The following KIRREL3 variants were observed in gnomAD, a reference collection of about 807,000 sequenced individuals.
The protein encoded by KIRREL3 is kin of IRRE-like protein 3.
In KIRREL3, 36 loss-of-function variants were observed where a neutral mutation model predicts 89.7. The observed-to-expected ratio is 0.40, with a 90% confidence interval of 0.31 to 0.53. The LOEUF is 0.53. Among genes scored for constraint, KIRREL3 ranks in the 20% least tolerant of loss-of-function variants. The pLI, the probability that KIRREL3 is intolerant of heterozygous loss-of-function variation, is 0.49. For missense variants in KIRREL3, 864 were observed against 1,056.6 expected (o/e 0.82, Z 2.53); for synonymous variants, 445 against 441.4 (o/e 1.01, Z -0.10).
At position 126,615,047 on chromosome 11, in the gene KIRREL3, A is replaced by T. The variant is rs1261428798; in HGVS notation, c.56-52135T>A. Among the ~76,000 whole-genome samples, 1 of 151,984 alleles carries T rather than the reference A, an allele frequency of 6.6e-6. No individual in the cohort carries two copies. The highest frequency in any genetic ancestry group is 6.6e-5 in the Admixed American group (1 of 15,264). ...AAGAGGCTGAAAGGCTGTCATGTGG[A>T]AGAGGGATTGGAGTGATTTGAGATG... On this transcript the variant is annotated intron_variant, in intron 1 of 16. Coordinates refer to ENST00000525144, the MANE Select transcript of KIRREL3 (RefSeq NM_032531.4). This position sits in a 1 kb window ranked among gnomAD's most constrained non-coding sequence, Gnocchi z 5.4.
At chr11:126,589,291 C>T (rs534597) in intron 1 of KIRREL3, among the ~76,000 whole-genome samples, 6,357 of 152,328 alleles carry the variant, frequency 0.042, 227 homozygotes, top group African/African-American at 0.1. Context: ...CGTCTGCGTG[C>T]AGGGGAACAG....
chr11:126,937,630 G>C (rs1216288477), intron 1 of KIRREL3, among the ~76,000 whole-genome samples: 1 of 152,226 alleles, frequency 6.6e-6, no homozygotes, highest in Non-Finnish European at 1.5e-5. Context: ...GCCGGGCGTG[G>C]TGGCTCATGC....
chr11:126,556,494 A>C (rs2134558810), intron 2 of KIRREL3, among the ~76,000 whole-genome samples: 1 of 152,266 alleles, frequency 6.6e-6, no homozygotes, highest in South Asian at 2.1e-4. Flanking sequence ...TTAAAAAATT[A>C]GCTGGGCATG....
intron 1 of KIRREL3, among the ~76,000 whole-genome samples, chr11:126,855,020 C>T (rs1007226486): frequency 1.4e-4 from 21 of 152,112 alleles, no homozygotes; most frequent in Admixed American, 1.2e-3. Flanking sequence ...AGCCCCAGCC[C>T]GAAGGCCCAG....
rs548050342 is a variant in KIRREL3 at position 126,623,069 on chromosome 11, G to A, written c.56-60157C>T. Among the ~76,000 whole-genome samples the A allele has an allele frequency of 3.3e-5, 5 of 152,128 alleles. No homozygotes were observed. The highest frequency in any genetic ancestry group is 4.2e-4 in the South Asian group (2 of 4,812). On this transcript the variant is annotated intron_variant, in intron 1 of 16. Transcript: ENST00000525144. The surrounding 1 kb of genome is among the most constrained non-coding windows in gnomAD (Gnocchi z 4.1). ...ATATGATATTTACAATTTACAAAGC[G>A]TTATCCACTAGTTATCTCACTGATT...
chr11:126,792,415 C>T (rs1201531841), intron 1 of KIRREL3, among the ~76,000 whole-genome samples: 1 of 152,172 alleles, frequency 6.6e-6, no homozygotes, highest in Non-Finnish European at 1.5e-5. Flanking sequence ...TGCCCCAAGT[C>T]ACACAACTTG....
rs1946505382 is a variant in KIRREL3 at position 126,904,711 on chromosome 11, A to G, written c.55+95744T>C. 6.6e-6 allele frequency among the ~76,000 whole-genome samples: 1 copy of G among 152,186 alleles called. No individual in the cohort carries two copies. Among genetic ancestry groups the G allele is most frequent in the African/African-American group, 2.4e-5 (1 of 41,436 alleles). ...GCTATAGCTTGGGGGTAGGGGGTCAAAGGAGGAAGTATGCATAATGTACAT... is the reference window on the plus strand; with the variant it reads ...GCTATAGCTTGGGGGTAGGGGGTCAGAGGAGGAAGTATGCATAATGTACAT... On this transcript the variant is annotated intron_variant, in intron 1 of 16. Transcript: ENST00000525144. The surrounding 1 kb of genome is among the most constrained non-coding windows in gnomAD (Gnocchi z 4.4).
chr11:126,663,907 T>G (rs1271763861), intron 1 of KIRREL3, among the ~76,000 whole-genome samples: 2 of 152,310 alleles, frequency 1.3e-5, no homozygotes, highest in East Asian at 3.9e-4. Context: ...ACTATAAGCA[T>G]AGGAGAGCCA....
intron 4 of KIRREL3, among the ~76,000 whole-genome samples, chr11:126,517,134 GAAAGA>G (rs1220992002): frequency 8.0e-6 from 1 of 124,252 alleles, no homozygotes; most frequent in Non-Finnish European, 1.6e-5. Flanking sequence ...GAGAGAGAGA[GAAAGA>G]GAGAGAGAGA....
chr11:126,607,875 C>T lies in KIRREL3; in HGVS notation c.56-44963G>A, dbSNP rs906559861. Among the ~76,000 whole-genome samples, 3 of 152,174 alleles carry T rather than the reference C, an allele frequency of 2.0e-5. No individual in the cohort carries two copies. Among genetic ancestry groups the T allele is most frequent in the Admixed American group, 6.5e-5 (1 of 15,288 alleles). ...AGTTGCCACCCACTGCAAGGACGAA[C>T]ATCACTACTGGGTCAGCTCTGCAGC... On this transcript the variant is annotated intron_variant, in intron 1 of 16. Coordinates refer to ENST00000525144, the MANE Select transcript of KIRREL3 (RefSeq NM_032531.4). This position sits in a 1 kb window ranked among gnomAD's most constrained non-coding sequence, Gnocchi z 6.6.
chr11:126,822,316 T>G (rs1027918605), intron 1 of KIRREL3, among the ~76,000 whole-genome samples: 2 of 152,208 alleles, frequency 1.3e-5, no homozygotes, highest in Non-Finnish European at 2.9e-5. Flanking sequence ...CCATGTAGTA[T>G]GTTCTCAAAC....
rs1306799381 is a variant in KIRREL3 at position 126,752,518 on chromosome 11, G to A, written c.56-189606C>T. On this transcript the variant is annotated intron_variant, in intron 1 of 16. Coordinates refer to ENST00000525144, the MANE Select transcript of KIRREL3 (RefSeq NM_032531.4). This position sits in a 1 kb window ranked among gnomAD's most constrained non-coding sequence, Gnocchi z 4.8. ...TTACAGCGGAATAAGACCACTGAGTGTTGTTCTTGAAAACTGATGCAGAAT... is the reference window on the plus strand; with the variant it reads ...TTACAGCGGAATAAGACCACTGAGTATTGTTCTTGAAAACTGATGCAGAAT... Among the ~76,000 whole-genome samples the A allele has an allele frequency of 6.6e-6, 1 of 152,154 alleles. No individual in the cohort carries two copies. The highest frequency in any genetic ancestry group is 2.4e-5 in the African/African-American group (1 of 41,430).
chr11:126,999,429 C>T lies in KIRREL3; in HGVS notation c.55+1026G>A, dbSNP rs184354032. 2.7e-3 allele frequency among the ~76,000 whole-genome samples: 412 copies of T among 152,376 alleles called. 2 individuals carry two copies. The highest frequency in any genetic ancestry group is 9.5e-3 in the African/African-American group (395 of 41,596). On this transcript the variant is annotated intron_variant, in intron 1 of 16. Transcript: ENST00000525144. This position sits in a 1 kb window ranked among gnomAD's most constrained non-coding sequence, Gnocchi z 5.7. ...GCCAGCCACCCATGGCAGTGCTTTG[C>T]TTTCTCGAAAACTTTTACCCTTCAT...
intron 1 of KIRREL3, chr11:126,944,368 A>G (rs562383400): frequency 6.6e-6 from 1 of 152,352 alleles, no homozygotes; most frequent in Non-Finnish European, 1.5e-5. Flanking sequence ...AAGTGAGGAA[A>G]GAAATTTTTC....
Position 126,641,864 on chromosome 11 carries a change from C to T in KIRREL3, c.56-78952G>A, listed in dbSNP as rs1030261183. Among the ~76,000 whole-genome samples, 6 of 152,244 alleles carry T rather than the reference C, an allele frequency of 3.9e-5. No homozygotes were observed. The highest frequency in any genetic ancestry group is 1.2e-4 in the African/African-American group (5 of 41,526). On this transcript the variant is annotated intron_variant, in intron 1 of 16. Transcript: ENST00000525144. This position sits in a 1 kb window ranked among gnomAD's most constrained non-coding sequence, Gnocchi z 5.0. The stretch of plus-strand genomic sequence containing the variant: ...CTCACTGAGGTTCCCACCACAGTCC[C>T]CTTGCTTACATGTGCACATCCTCAA...
At position 126,587,467 on chromosome 11, in the gene KIRREL3, T is replaced by C. The variant is rs1279803010; in HGVS notation, c.56-24555A>G. On this transcript the variant is annotated intron_variant, in intron 1 of 16. Coordinates refer to ENST00000525144, the MANE Select transcript of KIRREL3 (RefSeq NM_032531.4). The surrounding 1 kb of genome is among the most constrained non-coding windows in gnomAD (Gnocchi z 5.2). ...AACAGTGGGTCATGGAGCCATCACA[T>C]TCCCAAACCCACAGCGCTTCCCTCT... Among the ~76,000 whole-genome samples, 1 of 152,150 alleles carries C rather than the reference T, an allele frequency of 6.6e-6. No homozygotes were observed. The highest frequency in any genetic ancestry group is 2.4e-5 in the African/African-American group (1 of 41,442).
Position 126,519,996 on chromosome 11 carries a change from C to T in KIRREL3, c.433+1319G>A, listed in dbSNP as rs551847089. Among the ~76,000 whole-genome samples, 2 of 152,250 alleles carry T rather than the reference C, an allele frequency of 1.3e-5. No homozygotes were observed. Among genetic ancestry groups the T allele is most frequent in the Middle Eastern group, 3.4e-3 (1 of 294 alleles). On this transcript the variant is annotated intron_variant, in intron 4 of 16. Transcript: ENST00000525144. This position sits in a 1 kb window ranked among gnomAD's most constrained non-coding sequence, Gnocchi z 4.3. ...TCCTTTCATCGCAGGCCTGGGGAGA[C>T]TCAAAGGTTGCAGGAGGTTTCTGAG...
chr11:126,820,740 A>G (rs4297480), intron 1 of KIRREL3, among the ~76,000 whole-genome samples: 131,153 of 151,914 alleles, frequency 0.86, 56,964 homozygotes, highest in East Asian at 1. Context: ...GAGGCAGGAC[A>G]CAGAGGCCAG....
chr11:126,775,557 G>A (rs939134402), intron 1 of KIRREL3, among the ~76,000 whole-genome samples: 2 of 152,076 alleles, frequency 1.3e-5, no homozygotes, highest in Non-Finnish European at 2.9e-5. Context: ...CTTTCTAAAT[G>A]AGTCTGAACA....
Sources: gnomAD v4.1 joint callset for allele counts (sites outside exome capture counted in the v4.1 genomes callset) on GRCh38, gnomAD v4.1.1 for gene constraint, Gnocchi (gnomAD v3.1) non-coding constraint, MANE v1.5 for transcripts, NCBI Gene and HGNC (gene_info 2026-07-23, HGNC 2026-07-21) for gene names.